Variants in KCTD16 observed in about 807,000 individuals in gnomAD.
The protein encoded by KCTD16 is potassium channel tetramerization domain containing 16.
A neutral mutation model predicts 33.2 loss-of-function variants in KCTD16; 13 were observed. That is an observed-to-expected ratio of 0.39 (90% confidence interval 0.25 to 0.62). The LOEUF (loss-of-function observed/expected upper bound fraction) is 0.62. KCTD16 is among the 20% of genes least tolerant of loss of function. The probability of loss-of-function intolerance (pLI) is 0.50; values close to 1 mark genes in which losing one functional copy is unlikely to be tolerated. For synonymous variants in KCTD16, 197 were observed against 195.3 expected, an observed-to-expected ratio of 1.01 and a Z score of -0.07; for missense variants, 441 against 525.1, an observed-to-expected ratio of 0.84 and a Z score of 1.57.
chr5:144,174,174 TAGAC>T (rs1422557352), intron 1 of KCTD16, 129 bp from the exon 2 acceptor site: 1 of 152,354 alleles, frequency 6.6e-6, no homozygotes, highest in South Asian at 2.1e-4. Flanking sequence ...ATCATTTAGT[TAGAC>T]AGTCATGTTA....
intron 3 of KCTD16, among the ~76,000 whole-genome samples, chr5:144,371,205 G>A (rs531361507): frequency 3.9e-4 from 60 of 152,150 alleles, no homozygotes; most frequent in African/African-American, 1.4e-3. Context: ...AAAGATGGGC[G>A]TACTAACCTT....
chr5:144,223,943 G>T (rs1416337220), intron 3 of KCTD16, among the ~76,000 whole-genome samples: 2 of 151,480 alleles, frequency 1.3e-5, no homozygotes, highest in South Asian at 2.1e-4. Context: ...CTCAGCGTAG[G>T]TGTTTTTTTT....
At chr5:144,277,173 C>A (rs1252463488) in intron 3 of KCTD16, among the ~76,000 whole-genome samples, 1 of 152,148 alleles carries the variant, frequency 6.6e-6, no homozygotes, top group East Asian at 1.9e-4. Context: ...TGCTGTAGGG[C>A]AGAAATAACA....
At chr5:144,248,434 A>C (rs979908333) in intron 3 of KCTD16, among the ~76,000 whole-genome samples, 15 of 152,236 alleles carry the variant, frequency 9.9e-5, no homozygotes, top group African/African-American at 3.4e-4. Context: ...CAGTGAAGCA[A>C]GTGAACTAAA....
chr5:144,227,470 G>T (rs780199712), intron 3 of KCTD16, among the ~76,000 whole-genome samples: 1 of 152,170 alleles, frequency 6.6e-6, no homozygotes, highest in Non-Finnish European at 1.5e-5. Flanking sequence ...ATTCTGTAGG[G>T]ATTTATAGGT....
At chr5:144,250,769 T>C (rs554748648) in intron 3 of KCTD16, among the ~76,000 whole-genome samples, 2 of 152,278 alleles carry the variant, frequency 1.3e-5, no homozygotes, top group South Asian at 2.1e-4. Context: ...TTTCATAACA[T>C]TGGGCTAACA....
At chr5:144,394,071 C>T (rs1752513131) in intron 3 of KCTD16, among the ~76,000 whole-genome samples, 1 of 149,752 alleles carries the variant, frequency 6.7e-6, no homozygotes, top group Non-Finnish European at 1.5e-5. Flanking sequence ...CTCCCCCTGT[C>T]GTGCAGATGT....
At chr5:144,343,884 C>T (rs759109181) in intron 3 of KCTD16, among the ~76,000 whole-genome samples, 22 of 152,222 alleles carry the variant, frequency 1.4e-4, no homozygotes, top group Non-Finnish European at 2.8e-4. Context: ...TGTAGTAAAG[C>T]GGTTTTGAGT....
At chr5:144,369,196 C>T (rs1220204135) in intron 3 of KCTD16, 1 of 152,202 alleles carries the variant, frequency 6.6e-6, no homozygotes, top group African/African-American at 2.4e-5. Context: ...CAGCCTGGCT[C>T]CCATTCCCTT....
chr5:144,239,388 A>G (rs1252120737), intron 3 of KCTD16, among the ~76,000 whole-genome samples: 1 of 152,130 alleles, frequency 6.6e-6, no homozygotes, highest in East Asian at 1.9e-4. Context: ...TTTATTTTAA[A>G]TTGTCTTCTT....
chr5:144,286,426 A>G (rs1195099995), intron 3 of KCTD16, among the ~76,000 whole-genome samples: 1 of 152,210 alleles, frequency 6.6e-6, no homozygotes, highest in African/African-American at 2.4e-5. Context: ...TGATGGAAGA[A>G]AAGTCACTTA....
At chr5:144,393,337 A>G (rs1240804138) in intron 3 of KCTD16, among the ~76,000 whole-genome samples, 1 of 152,234 alleles carries the variant, frequency 6.6e-6, no homozygotes, top group Non-Finnish European at 1.5e-5. Context: ...GAGAGAGCTA[A>G]AAAGCTAAAC....
intron 2 of KCTD16, among the ~76,000 whole-genome samples, chr5:144,188,381 C>G (rs1752770925): frequency 6.6e-6 from 1 of 152,102 alleles, no homozygotes; most frequent in African/African-American, 2.4e-5. Flanking sequence ...AGAAAATAGT[C>G]AAAGTTAGTT....
chr5:144,274,427 A>G (rs1755387793), intron 3 of KCTD16, among the ~76,000 whole-genome samples: 1 of 152,198 alleles, frequency 6.6e-6, no homozygotes. Flanking sequence ...AGGCATGGTG[A>G]TTCAGTCATT....
chr5:144,359,074 T>A (rs2126914276), intron 3 of KCTD16, among the ~76,000 whole-genome samples: 1 of 152,312 alleles, frequency 6.6e-6, no homozygotes, highest in East Asian at 1.9e-4. Context: ...TTCAGAAAGT[T>A]GCCACTCCCT....
intron 2 of KCTD16, among the ~76,000 whole-genome samples, chr5:144,180,715 T>A (rs1752604203): frequency 1.3e-5 from 2 of 152,148 alleles, no homozygotes; most frequent in South Asian, 4.1e-4. Context: ...AAACAGAACA[T>A]ATACACATGG....
rs936136028 is a variant in KCTD16, at chr5:144,484,009, G to A, written c.*9895G>A. On this transcript the variant is annotated 3_prime_UTR_variant, in exon 4 of 4. Transcript: ENST00000512467. ...TTCCCCAAAATTTTGGAGCAGAGGGGACGTTTTACATCATCCTAACTTCAT... is the reference window on the plus strand; with the variant it reads ...TTCCCCAAAATTTTGGAGCAGAGGGAACGTTTTACATCATCCTAACTTCAT... The A allele has an allele frequency of 6.6e-6, 1 of 151,870 alleles. No homozygotes were observed. Among genetic ancestry groups the A allele is most frequent in the African/African-American group, 2.4e-5 (1 of 41,374 alleles). 9.4% of individuals were successfully genotyped at this position (151,870 alleles called of 1,614,324 possible). A position where few individuals can be genotyped will look rare whatever the true frequency, so the allele number is the denominator to read the frequency against.
intron 3 of KCTD16, among the ~76,000 whole-genome samples, chr5:144,324,982 T>C (rs1752166830): frequency 6.6e-6 from 1 of 152,190 alleles, no homozygotes; most frequent in African/African-American, 2.4e-5. Flanking sequence ...CTGGGCTTAA[T>C]ACCTAAGTGA....
chr5:144,421,496 C>T (rs761271616), intron 3 of KCTD16, among the ~76,000 whole-genome samples: 2 of 152,090 alleles, frequency 1.3e-5, no homozygotes, highest in Non-Finnish European at 2.9e-5. Flanking sequence ...TGAAACGAGA[C>T]AGAATATCAT....
Sources: allele counts gnomAD v4.1 joint callset (sites outside exome capture counted in the v4.1 genomes callset), GRCh38; gene constraint gnomAD v4.1.1; transcripts MANE v1.5; gene names NCBI Gene and HGNC (gene_info 2026-07-23, HGNC 2026-07-21).